TGFBRAP1: variants seen among roughly 807,000 people sequenced by gnomAD.
TGFBRAP1 encodes the protein transforming growth factor-beta receptor-associated protein 1.
In TGFBRAP1, 20 loss-of-function variants were observed where a neutral mutation model predicts 83.2. The ratio of observed to expected loss-of-function variants is 0.24; its 90% CI spans 0.17 to 0.35. The LOEUF (loss-of-function observed/expected upper bound fraction) is 0.35. Among genes scored for constraint, TGFBRAP1 ranks in the 10% least tolerant of loss-of-function variants. The pLI, the probability that TGFBRAP1 is intolerant of heterozygous loss-of-function variation, is 1.00. For synonymous variants in TGFBRAP1, 415 were observed against 459.8 expected, an observed-to-expected ratio of 0.90 and a Z score of 1.25; for missense variants, 950 against 1,099.4, an observed-to-expected ratio of 0.86 and a Z score of 1.92.
In TGFBRAP1 at chr2:105,266,810, T is replaced by C. The variant is rs1051139555; in HGVS notation, c.*573A>G. 7 of 152,464 alleles carry C rather than the reference T, an allele frequency of 4.6e-5. No individual in the cohort carries two copies. Among genetic ancestry groups the C allele is most frequent in the African/African-American group, 1.7e-4 (7 of 41,588 alleles). The allele number at this position is 152,464 out of a possible 1,614,324, so 9.4% of individuals were successfully genotyped here. A position where few individuals can be genotyped will look rare whatever the true frequency, so the allele number is the denominator to read the frequency against. ...GTACTTCTCCAGGGTCAGCCGTTTC[T>C]GAGGGCAAAGGCAGAGCCCACGAGG... On this transcript the variant is annotated 3_prime_UTR_variant, in exon 12 of 12. Transcript: ENST00000393359.
At chr2:105,287,086 G>T (rs1159309293) in intron 4 of TGFBRAP1, among the ~76,000 whole-genome samples, 1 of 152,144 alleles carries the variant, frequency 6.6e-6, no homozygotes, top group African/African-American at 2.4e-5. Context: ...GCTCAGTGAA[G>T]TCAGCCAGTC....
chr2:105,289,946 A>C (rs1454458246), intron 4 of TGFBRAP1, among the ~76,000 whole-genome samples: 1 of 152,218 alleles, frequency 6.6e-6, no homozygotes, highest in Non-Finnish European at 1.5e-5. Context: ...CGGTATTATC[A>C]AACTCTCTGA....
At chr2:105,321,229 C>T (rs1435585327) in intron 1 of TGFBRAP1, among the ~76,000 whole-genome samples, 5 of 151,846 alleles carry the variant, frequency 3.3e-5, no homozygotes, top group East Asian at 1.9e-4. Context: ...TGCAGTGGCA[C>T]GGTCTCGGCT....
chr2:105,262,265 G>A (rs1022234069), downstream of TGFBRAP1, among the ~76,000 whole-genome samples: 1 of 152,136 alleles, frequency 6.6e-6, no homozygotes, highest in African/African-American at 2.4e-5. Flanking sequence ...GGAACCCGGG[G>A]ACGAATCCCT....
At chr2:105,292,628 G>A (rs975773602) in intron 4 of TGFBRAP1, among the ~76,000 whole-genome samples, 3 of 151,906 alleles carry the variant, frequency 2.0e-5, no homozygotes, top group Non-Finnish European at 2.9e-5. Flanking sequence ...AGAACGAGGC[G>A]GGTAGAAAGG....
intron 5 of TGFBRAP1, among the ~76,000 whole-genome samples, chr2:105,282,266 G>A (rs903599675): frequency 6.6e-6 from 1 of 152,178 alleles, no homozygotes; most frequent in African/African-American, 2.4e-5. Flanking sequence ...TGAAAGAAGA[G>A]CTGAACCTAG....
chr2:105,308,373 G>A, intron 1 of TGFBRAP1, 55 bp from the exon 2 acceptor site: 1 of 1,457,406 alleles, frequency 6.9e-7, no homozygotes, highest in Non-Finnish European at 9.2e-7. Flanking sequence ...AGCAGAAACA[G>A]AGGCTGCAAT....
At chr2:105,323,724 C>T (rs1441232182) in intron 1 of TGFBRAP1, among the ~76,000 whole-genome samples, 1 of 152,264 alleles carries the variant, frequency 6.6e-6, no homozygotes, top group Middle Eastern at 3.4e-3. Flanking sequence ...TACTAGAAAA[C>T]AAACTGCCAA....
At chr2:105,318,555 G>A (rs1193488515) in intron 1 of TGFBRAP1, among the ~76,000 whole-genome samples, 3 of 152,152 alleles carry the variant, frequency 2.0e-5, no homozygotes, top group African/African-American at 4.8e-5. Flanking sequence ...AATAAACCTG[G>A]TAGAATTCAC....
At chr2:105,320,598 G>C (rs1209227531) in intron 1 of TGFBRAP1, among the ~76,000 whole-genome samples, 3 of 152,162 alleles carry the variant, frequency 2.0e-5, no homozygotes, top group African/African-American at 7.2e-5. Context: ...ATAAACTCCA[G>C]ACTCAGCTTA....
chr2:105,262,842 G>A (rs1431380244), downstream of TGFBRAP1, among the ~76,000 whole-genome samples: 2 of 152,178 alleles, frequency 1.3e-5, no homozygotes, highest in Admixed American at 6.5e-5. Context: ...TAATTCAAGT[G>A]CTTATCTCCC....
rs375991312 is a variant in TGFBRAP1, at chr2:105,269,728, C to G, written c.1973-23G>C. 1.3e-5 allele frequency: 20 copies of G among 1,491,024 alleles called. No individual in the cohort carries two copies. In the African/African-American group the frequency reaches 2.7e-4, roughly 20 times the overall value. 92.4% of individuals were successfully genotyped at this position (1,491,024 alleles called of 1,614,324 possible). A position where few individuals can be genotyped will look rare whatever the true frequency, so the allele number is the denominator to read the frequency against. On this transcript the variant is annotated intron_variant, in intron 10 of 11. Coordinates refer to ENST00000393359, the MANE Select transcript of TGFBRAP1 (RefSeq NM_004257.6). This position sits in a 1 kb window ranked among gnomAD's most constrained non-coding sequence, Gnocchi z 4.1. ...TCTCTGCAAGACAGAACCTGCAGCTCAGAAAGAAAGGGGCTCGCCGGCCAC... is the reference window on the plus strand; with the variant it reads ...TCTCTGCAAGACAGAACCTGCAGCTGAGAAAGAAAGGGGCTCGCCGGCCAC...
chr2:105,271,588 C>T (rs1677155834), intron 10 of TGFBRAP1, among the ~76,000 whole-genome samples: 1 of 152,098 alleles, frequency 6.6e-6, no homozygotes, highest in South Asian at 2.1e-4. Context: ...CTGTGGCAAG[C>T]GGGGTAACCT....
At chr2:105,257,495 G>C in the TGFBRAP1 span, among the ~76,000 whole-genome samples, 11 of 152,234 alleles carry the variant, frequency 7.2e-5, no homozygotes, top group African/African-American at 2.4e-4. Context: ...GTGTCTCATA[G>C]AAGTGGAATC....
At chr2:105,258,567 G>A in the TGFBRAP1 span, among the ~76,000 whole-genome samples, 1 of 151,840 alleles carries the variant, frequency 6.6e-6, no homozygotes, top group Admixed American at 6.6e-5. Context: ...TCAGCTCCCT[G>A]GTTCTCAGGC....
In TGFBRAP1 at chr2:105,308,049, C is replaced by T. The variant is rs1435774155; in HGVS notation, c.253G>A (p.Ala85Thr). 1 of 1,613,774 alleles carries T rather than the reference C, an allele frequency of 6.2e-7. No individual in the cohort carries two copies. Among genetic ancestry groups the T allele is most frequent in the Admixed American group, 1.7e-5 (1 of 59,948 alleles). ...ACCAGCAGCCTGTTGAGTGCTGAGG[C>T]CGCACGCAGCTCGTTCACGGGCTTC... Reference protein sequence around the residue: ...FKKPVNELRAASALNRLLVLC... With the variant: ...FKKPVNELRATSALNRLLVLC... Residue 85 changes from alanine (A) to threonine (T), a missense_variant, in exon 2 of 12, where the codon GCC becomes ACC. Ala to Thr is a moderately conservative substitution (Grantham distance 58, BLOSUM62 0). Transcript: ENST00000393359.
At chr2:105,296,841 G>C (rs1678108622) in intron 3 of TGFBRAP1, among the ~76,000 whole-genome samples, 1 of 137,628 alleles carries the variant, frequency 7.3e-6, no homozygotes, top group African/African-American at 2.7e-5. Flanking sequence ...ACATAGTCCA[G>C]TGAAGATGCA....
At chr2:105,312,405 A>T (rs1678724547) in intron 1 of TGFBRAP1, among the ~76,000 whole-genome samples, 1 of 152,238 alleles carries the variant, frequency 6.6e-6, no homozygotes, top group Non-Finnish European at 1.5e-5. Flanking sequence ...TTCAAAATAC[A>T]TACCCAGGTA....
chr2:105,316,037 GCA>G (rs919088677), intron 1 of TGFBRAP1, among the ~76,000 whole-genome samples: 1 of 152,142 alleles, frequency 6.6e-6, no homozygotes, highest in Non-Finnish European at 1.5e-5. Flanking sequence ...ACTGACAAAG[GCA>G]ACAAATAGAT....
Sources: allele counts gnomAD v4.1 joint callset (sites outside exome capture counted in the v4.1 genomes callset), GRCh38; gene constraint gnomAD v4.1.1; non-coding constraint Gnocchi (gnomAD v3.1); transcripts MANE v1.5; gene names NCBI Gene and HGNC (gene_info 2026-07-23, HGNC 2026-07-21).